Variants in KRT35 observed in about 807,000 individuals in gnomAD.
The protein encoded by KRT35 is keratin, type I cuticular Ha5.
In KRT35, 33 loss-of-function variants were observed where a neutral mutation model predicts 42.2. The ratio of observed to expected loss-of-function variants is 0.78; its 90% CI spans 0.59 to 1.05. The LOEUF (loss-of-function observed/expected upper bound fraction) is 1.05. Among genes scored for constraint, KRT35 ranks in the 50% least tolerant of loss-of-function variants. KRT35 has a pLI of 0.00. For missense variants in KRT35, 585 were observed against 589.2 expected (o/e 0.99, Z 0.07); for synonymous variants, 218 against 238.2 (o/e 0.92, Z 0.78).
chr17:41,478,285 C>G, intron 5 of KRT35, 76 bp downstream of exon 5: 1 of 1,541,536 alleles, frequency 6.5e-7, no homozygotes, highest in Non-Finnish European at 8.8e-7. Flanking sequence ...CCTGTGTGGT[C>G]AAAGCATGGA....
intron 6 of KRT35, 143 bp downstream of exon 6, chr17:41,477,375 A>C: frequency 1.5e-6 from 2 of 1,330,060 alleles, no homozygotes; most frequent in South Asian, 2.9e-5. Context: ...TGCTGGAGTC[A>C]CGTGATGAGT....
intron 5 of KRT35, 36 bp from the exon 6 acceptor site, chr17:41,477,774 C>A: frequency 6.3e-7 from 1 of 1,593,172 alleles, no homozygotes; most frequent in Non-Finnish European, 8.6e-7. Context: ...AGGAAAAAGG[C>A]TAGAGGTCAG....
At position 41,480,758 on chromosome 17, in the gene KRT35, T is replaced by C. The variant is rs756180436; in HGVS notation, c.340A>G (p.Lys114Glu). 1.9e-6 allele frequency: 3 copies of C among 1,614,054 alleles called. No homozygotes were observed. In the Admixed American group the frequency reaches 5.0e-5, roughly 27 times the overall value. ...LNDRLAGYLE[K>E]VRQLEQENAS... ...TTCTCCTGCTCCAGCTGACGCACCTTCTCCAGGTAGCCGGCCAGGCGGTCG... is the reference window on the plus strand; with the variant it reads ...TTCTCCTGCTCCAGCTGACGCACCTCCTCCAGGTAGCCGGCCAGGCGGTCG... The change falls in exon 1 of 7, where the codon AAG (lysine) becomes GAG (glutamate). Residue 114 changes from lysine (K) to glutamate (E), a missense_variant. By Grantham distance (56) the Lys-to-Glu change is moderately conservative. Coordinates refer to ENST00000246639, the MANE Select transcript of KRT35 (RefSeq NM_002280.6).
In KRT35 at chr17:41,479,505, T is replaced by A. The variant is rs775536770; in HGVS notation, c.555-2A>T. ...CGCAGGGACACCTCCGTCTCATACC[T>A]GCAGGCATAGAACAGGGCACCTGAG... On this transcript the variant is annotated splice_acceptor_variant, in intron 2 of 6. Coordinates refer to ENST00000246639, the MANE Select transcript of KRT35 (RefSeq NM_002280.6). LOFTEE classifies it high-confidence loss of function. The A allele has an allele frequency of 1.2e-6, 2 of 1,613,446 alleles. No homozygotes were observed. Among genetic ancestry groups the A allele is most frequent in the Admixed American group, 3.3e-5 (2 of 60,008 alleles).
chr17:41,479,317 T>A lies in KRT35; in HGVS notation c.711+30A>T, dbSNP rs966362550. On this transcript the variant is annotated intron_variant, in intron 3 of 6. Coordinates refer to ENST00000246639, the MANE Select transcript of KRT35 (RefSeq NM_002280.6). Reference sequence around the variant, plus strand: ...CCTCCTCCCCCATGCTCACCTGCTGTGCCGTGTTCACCTTTTCCCCCATGC... The same window carrying A: ...CCTCCTCCCCCATGCTCACCTGCTGAGCCGTGTTCACCTTTTCCCCCATGC... 6 of 1,605,826 alleles carry A rather than the reference T, an allele frequency of 3.7e-6. No homozygotes were observed. In the African/African-American group the frequency reaches 5.4e-5, roughly 14 times the overall value.
intron 1 of KRT35, among the ~76,000 whole-genome samples, 167 bp from the exon 2 acceptor site, chr17:41,479,948 G>A (rs1249138322): frequency 6.6e-6 from 1 of 152,166 alleles, no homozygotes; most frequent in Non-Finnish European, 1.5e-5. Context: ...ATCAACTATG[G>A]AAAGTCCAGG....
intron 2 of KRT35, 21 bp downstream of exon 2, chr17:41,479,678 A>G: frequency 1.9e-6 from 3 of 1,610,682 alleles, no homozygotes; most frequent in Non-Finnish European, 2.5e-6. Flanking sequence ...CCCCAACCAC[A>G]TGACAAGCAG....
Position 41,476,783 on chromosome 17 carries a change from A to T in KRT35, c.*273T>A. ...GCATTTCAGAATCCACCGGAACAGC[A>T]CCTAGAAGGAAAACCTGACCCAGGA... On this transcript the variant is annotated 3_prime_UTR_variant, in exon 7 of 7. Transcript: ENST00000246639. The T allele has an allele frequency of 2.7e-6, 1 of 367,168 alleles. No individual in the cohort carries two copies. The highest frequency in any genetic ancestry group is 4.5e-5 in the East Asian group (1 of 22,104). The allele number at this position is 367,168 out of a possible 1,614,324, so 22.7% of individuals were successfully genotyped here. A position where few individuals can be genotyped will look rare whatever the true frequency, so the allele number is the denominator to read the frequency against.
intron 2 of KRT35, 66 bp from the exon 3 acceptor site, chr17:41,479,569 C>T: frequency 6.3e-7 from 1 of 1,587,742 alleles, no homozygotes; most frequent in Non-Finnish European, 8.6e-7. Context: ...GGCCTGCCCT[C>T]AGACTGTCCA....
rs1465569896 is a variant in KRT35, at chr17:41,479,007, A to C, written c.712-12T>G. The C allele has an allele frequency of 6.2e-7, 1 of 1,605,668 alleles. No individual in the cohort carries two copies. Among genetic ancestry groups the C allele is most frequent in the Admixed American group, 1.7e-5 (1 of 59,120 alleles). On this transcript the variant is annotated splice_polypyrimidine_tract_variant and intron_variant, in intron 3 of 6. Transcript: ENST00000246639. ...AGTGAGTTCACTTCCTATAGCACAGACCAGGATGAGTACTAATTCCCAGAG... is the reference window on the plus strand; with the variant it reads ...AGTGAGTTCACTTCCTATAGCACAGCCCAGGATGAGTACTAATTCCCAGAG...
intron 1 of KRT35, 53 bp downstream of exon 1, chr17:41,480,574 A>G: frequency 7.2e-7 from 1 of 1,387,532 alleles, no homozygotes; most frequent in Admixed American, 1.7e-5. Context: ...ACTACCAATG[A>G]ATGCTGGTGA....
chr17:41,478,383 T>A lies in KRT35; in HGVS notation c.977A>T (p.Glu326Val). ...CACCATGCTGTGCTGAGCCTGCAGC[T>A]CAATCTCCAGGGCGTTGACCGTGCG... ...LRRTVNALEI[E>V]LQAQHSMRDA... Residue 326 changes from glutamate to valine, a missense_variant, in exon 5 of 7, where the codon GAG becomes GTG. Transcript: ENST00000246639. The A allele has an allele frequency of 6.2e-7, 1 of 1,613,734 alleles. No homozygotes were observed. Among genetic ancestry groups the A allele is most frequent in the Non-Finnish European group, 8.5e-7 (1 of 1,179,926 alleles).
intron 1 of KRT35, 94 bp downstream of exon 1, chr17:41,480,533 G>T (rs2019236974): frequency 3.2e-6 from 3 of 937,506 alleles, no homozygotes; most frequent in East Asian, 2.4e-5. Flanking sequence ...GAACATGCTT[G>T]GTGACTTCCA....
At chr17:41,477,296 T>C in intron 6 of KRT35, 93 bp from the exon 7 acceptor site, 1 of 1,463,934 alleles carries the variant, frequency 6.8e-7, no homozygotes, top group Non-Finnish European at 9.3e-7. Flanking sequence ...GGAAGCACCC[T>C]AAAAACCACC....
At chr17:41,477,781 TCAGAGAAGGAG>T (rs1425671397) in intron 5 of KRT35, 43 bp from the exon 6 acceptor site, 1 of 1,582,424 alleles carries the variant, frequency 6.3e-7, no homozygotes, top group Non-Finnish European at 8.6e-7. Flanking sequence ...AGGCTAGAGG[TCAGAGAAGGAG>T]CAAGGAAGGA....
chr17:41,476,738 G>A lies in KRT35; in HGVS notation c.*318C>T, dbSNP rs2144468068. 1 of 256,134 alleles carries A rather than the reference G, an allele frequency of 3.9e-6. No individual in the cohort carries two copies. The highest frequency in any genetic ancestry group is 8.0e-5 in the East Asian group (1 of 12,552). 15.9% of individuals were successfully genotyped at this position (256,134 alleles called of 1,614,324 possible). A position where few individuals can be genotyped will look rare whatever the true frequency, so the allele number is the denominator to read the frequency against. On this transcript the variant is annotated 3_prime_UTR_variant, in exon 7 of 7. Transcript: ENST00000246639. Reference sequence around the variant, plus strand: ...CTGAGCAAATGCACTTTATTGTTCTGCCAACAAAAGCCCTCTACTGCATTT... The same window carrying A: ...CTGAGCAAATGCACTTTATTGTTCTACCAACAAAAGCCCTCTACTGCATTT...
chr17:41,480,058 C>A (rs570545282), intron 1 of KRT35, among the ~76,000 whole-genome samples: 3 of 152,326 alleles, frequency 2.0e-5, no homozygotes, highest in African/African-American at 7.2e-5. Context: ...GAGGCTTCTT[C>A]CAATCTCCCT....
Position 41,480,846 on chromosome 17 carries a change from A to AC in KRT35, c.251dup (p.Gly85TrpfsTer13). 1 of 1,611,882 alleles carries AC rather than the reference A, an allele frequency of 6.2e-7. No individual in the cohort carries two copies. The highest frequency in any genetic ancestry group is 8.5e-7 in the Non-Finnish European group (1 of 1,179,204). On this transcript the variant is annotated frameshift_variant, in exon 1 of 7. Transcript: ENST00000246639. LOFTEE classifies it high-confidence loss of function. ...GGATGCCCTCCCCAAACCAGCCCCC[A>AC]CCCCCACTGTAGCTGGTAGCGAAGC...
chr17:41,478,485 C>G lies in KRT35; in HGVS notation c.875G>C (p.Ser292Thr). 1.9e-6 allele frequency: 3 copies of G among 1,613,644 alleles called. No homozygotes were observed. In the Admixed American group the frequency reaches 5.0e-5, roughly 27 times the overall value. Residue 292 changes from serine (S) to threonine (T), a missense_variant and splice_region_variant, in exon 5 of 7, where the codon AGT (serine) becomes ACT (threonine). Coordinates refer to ENST00000246639, the MANE Select transcript of KRT35 (RefSeq NM_002280.6). Reference sequence around the variant, plus strand: ...CACCACCTGCTGGTTCAGCTCCTCACTCTGAAACATACACACACAGAACCT... The same window carrying G: ...CACCACCTGCTGGTTCAGCTCCTCAGTCTGAAACATACACACACAGAACCT... The part of the protein sequence containing the change: ...RDAEDWLDTQ[S>T]EELNQQVVSS...
Sources: allele counts gnomAD v4.1 joint callset (sites outside exome capture counted in the v4.1 genomes callset), GRCh38; gene constraint gnomAD v4.1.1; transcripts MANE v1.5; gene names NCBI Gene and HGNC (gene_info 2026-07-23, HGNC 2026-07-21).